Variants in MINDY3 observed in about 807,000 individuals in gnomAD.
MINDY3 encodes the protein MINDY lysine 48 deubiquitinase 3.
In MINDY3, 38 loss-of-function variants were observed where a neutral mutation model predicts 69.2. That is an observed-to-expected ratio of 0.55 (90% CI 0.42 to 0.72). The LOEUF (loss-of-function observed/expected upper bound fraction) is 0.72. Among genes scored for constraint, MINDY3 ranks in the 30% least tolerant of loss-of-function variants. MINDY3 has a pLI of 0.00. For missense variants in MINDY3, 522 were observed against 519.0 expected (o/e 1.01, Z -0.06); for synonymous variants, 192 against 180.1 (o/e 1.07, Z -0.53).
chr10:15,847,637 T>C (rs960376319), intron 2 of MINDY3, among the ~76,000 whole-genome samples: 1 of 152,218 alleles, frequency 6.6e-6, no homozygotes, highest in Non-Finnish European at 1.5e-5. Context: ...GAACGCCTAT[T>C]ATTTTTCCTT....
At chr10:15,812,829 T>G (rs1839099516) in intron 10 of MINDY3, among the ~76,000 whole-genome samples, 1 of 152,176 alleles carries the variant, frequency 6.6e-6, no homozygotes, top group Admixed American at 6.5e-5. Context: ...TTTCTAAAGC[T>G]CTAAGATCTA....
intron 4 of MINDY3, among the ~76,000 whole-genome samples, chr10:15,839,706 G>A (rs1485303188): frequency 6.6e-6 from 1 of 151,408 alleles, no homozygotes; most frequent in Non-Finnish European, 1.5e-5. Context: ...ATTGTTACAC[G>A]GAATAAAAAT....
chr10:15,837,647 G>T (rs1833182420), intron 5 of MINDY3: 2 of 1,189,604 alleles, frequency 1.7e-6, no homozygotes, highest in Non-Finnish European at 2.1e-6. Flanking sequence ...GTAAGAGGGG[G>T]TAAACACAAA....
At chr10:15,815,292 G>T (rs1306931747) in intron 10 of MINDY3, among the ~76,000 whole-genome samples, 2 of 152,164 alleles carry the variant, frequency 1.3e-5, no homozygotes, top group Non-Finnish European at 2.9e-5. Context: ...CAGTAACTCT[G>T]TACTTTTAGC....
At chr10:15,852,936 A>C (rs1030967843) in intron 1 of MINDY3, among the ~76,000 whole-genome samples, 3 of 152,196 alleles carry the variant, frequency 2.0e-5, no homozygotes, top group African/African-American at 4.8e-5. Context: ...AACTATTTGC[A>C]TAGCATTTAC....
chr10:15,811,743 T>G (rs536063279), intron 10 of MINDY3, among the ~76,000 whole-genome samples: 1 of 152,232 alleles, frequency 6.6e-6, no homozygotes, highest in Non-Finnish European at 1.5e-5. Flanking sequence ...AAATAACATA[T>G]GTGCACTTTC....
chr10:15,789,049 G>T (rs1837208069), intron 12 of MINDY3, 198 bp downstream of exon 12: 1 of 419,326 alleles, frequency 2.4e-6, no homozygotes, highest in African/African-American at 2.0e-5. Context: ...TTGCTGGGTG[G>T]GAAAGGAAAC....
intron 9 of MINDY3, among the ~76,000 whole-genome samples, chr10:15,818,438 A>G (rs1049433656): frequency 4.6e-5 from 7 of 152,198 alleles, no homozygotes; most frequent in African/African-American, 1.4e-4. Flanking sequence ...CACTTTGGAC[A>G]ACAGTTTGAC....
At chr10:15,852,779 C>T (rs989003812) in intron 1 of MINDY3, among the ~76,000 whole-genome samples, 4 of 152,074 alleles carry the variant, frequency 2.6e-5, no homozygotes, top group African/African-American at 7.2e-5. Context: ...TACAGTTGGC[C>T]GTTCATATCC....
At chr10:15,846,948 C>A (rs911924379) in intron 2 of MINDY3, among the ~76,000 whole-genome samples, 2 of 152,168 alleles carry the variant, frequency 1.3e-5, no homozygotes, top group East Asian at 1.9e-4. Context: ...TGGCCTCCAT[C>A]TCCTGACCAT....
chr10:15,794,794 C>A (rs140497047), intron 11 of MINDY3, among the ~76,000 whole-genome samples: 66 of 152,182 alleles, frequency 4.3e-4, no homozygotes, highest in African/African-American at 1.6e-3. Flanking sequence ...CTTATGACAA[C>A]TGTCTCCTAC....
Position 15,819,578 on chromosome 10 carries a change from G to A in MINDY3, c.801+2078C>T, listed in dbSNP as rs544706583. 1.4e-4 allele frequency among the ~76,000 whole-genome samples: 22 copies of A among 152,266 alleles called. 1 individual carries two copies. The East Asian group carries it at 2.1e-3, about 15-fold the overall frequency. ...ATTAGCCAATCCACAGGGGAGCTCA[G>A]GCAATCTAGCTGACCCCATCCTACT... On this transcript the variant is annotated intron_variant, in intron 9 of 14. Transcript: ENST00000277632.
At chr10:15,833,929 C>T (rs1449390619) in intron 7 of MINDY3, among the ~76,000 whole-genome samples, 1 of 151,948 alleles carries the variant, frequency 6.6e-6, no homozygotes, top group East Asian at 1.9e-4. Context: ...TATTCACATA[C>T]ATTTAACAAC....
intron 8 of MINDY3, among the ~76,000 whole-genome samples, chr10:15,824,542 G>GGA (rs1459000102): frequency 6.6e-6 from 1 of 152,106 alleles, no homozygotes; most frequent in African/African-American, 2.4e-5. Context: ...GCAAAACAAG[G>GGA]GAGAGGAGAA....
At chr10:15,807,198 A>G (rs564062162) in intron 10 of MINDY3, among the ~76,000 whole-genome samples, 1 of 152,306 alleles carries the variant, frequency 6.6e-6, no homozygotes, top group South Asian at 2.1e-4. Flanking sequence ...ACTCACAGTA[A>G]ACTATTACCA....
chr10:15,819,151 T>G (rs1237202360), intron 9 of MINDY3, among the ~76,000 whole-genome samples: 1 of 152,158 alleles, frequency 6.6e-6, no homozygotes, highest in Non-Finnish European at 1.5e-5. Flanking sequence ...AAAATGATAT[T>G]GCAAAATGTT....
rs1716835457 is a variant in MINDY3, at chr10:15,778,817, A to T, written c.*175T>A. The T allele has an allele frequency of 1.9e-6, 1 of 522,924 alleles. No individual in the cohort carries two copies. Among genetic ancestry groups the T allele is most frequent in the Non-Finnish European group, 3.2e-6 (1 of 312,210 alleles). 32.4% of individuals were successfully genotyped at this position (522,924 alleles called of 1,614,324 possible). On this transcript the variant is annotated 3_prime_UTR_variant, in exon 15 of 15. Transcript: ENST00000277632. ...GGGGTAAAATAGGATAATCTTTAACATAAAGCTTTAGGACAAATAATTTAA... is the reference window on the plus strand; with the variant it reads ...GGGGTAAAATAGGATAATCTTTAACTTAAAGCTTTAGGACAAATAATTTAA...
At chr10:15,841,345 A>AT (rs573393713) in intron 4 of MINDY3, 81 bp downstream of exon 4, 21,231 of 1,162,344 alleles carry the variant, frequency 0.018, 293 homozygotes, top group South Asian at 0.034. Flanking sequence ...ATTTTAAGTA[A>AT]TTTTTTCTTC....
intron 4 of MINDY3, among the ~76,000 whole-genome samples, chr10:15,838,702 C>A (rs1258677472): frequency 6.6e-6 from 1 of 151,696 alleles, no homozygotes; most frequent in Non-Finnish European, 1.5e-5. Context: ...AATTATTAAA[C>A]AAACATGTAT....
Sources: allele counts gnomAD v4.1 joint callset (sites outside exome capture counted in the v4.1 genomes callset), GRCh38; gene constraint gnomAD v4.1.1; transcripts MANE v1.5; gene names NCBI Gene and HGNC (gene_info 2026-07-23, HGNC 2026-07-21).